The following CACNA1C variants were observed in gnomAD, a reference collection of about 807,000 sequenced individuals.
CACNA1C encodes the protein voltage-dependent L-type calcium channel subunit alpha-1C.
CACNA1C carries 30 observed loss-of-function variants against 229.0 expected under a neutral mutation model. The observed-to-expected ratio is 0.13, with a 90% CI of 0.10 to 0.18. The LOEUF is 0.18. CACNA1C is among the 10% of genes least tolerant of loss of function. CACNA1C has a pLI of 1.00. For missense variants in CACNA1C, 1,658 were observed against 2,845.0 expected (o/e 0.58, Z 9.49); for synonymous variants, 1,114 against 1,132.5 (o/e 0.98, Z 0.33).
At chr12:2,234,136 G>A (rs1033710470) in intron 3 of CACNA1C, among the ~76,000 whole-genome samples, 1 of 152,192 alleles carries the variant, frequency 6.6e-6, no homozygotes, top group African/African-American at 2.4e-5. Context: ...TCTGCTGGAC[G>A]ATGCAGCCTT....
At position 2,467,146 on chromosome 12, in the gene CACNA1C, G is replaced by A. The variant is rs1389369598; in HGVS notation, c.757+9440G>A. Among the ~76,000 whole-genome samples, 1 of 152,082 alleles carries A rather than the reference G, an allele frequency of 6.6e-6. No homozygotes were observed. Among genetic ancestry groups the A allele is most frequent in the Non-Finnish European group, 1.5e-5 (1 of 67,994 alleles). On this transcript the variant is annotated intron_variant, in intron 5 of 46. Transcript: ENST00000399655. The surrounding 1 kb of genome is among the most constrained non-coding windows in gnomAD (Gnocchi z 4.6). The stretch of plus-strand genomic sequence containing the variant: ...GTCCCCCTGCCCGCCCATCGGAGAT[G>A]GTCCCTACAACATCTTCTAAGCCCT...
Position 2,677,957 on chromosome 12 carries a change from G to A in CACNA1C, c.5091+90G>A, listed in dbSNP as rs974214895. On this transcript the variant is annotated intron_variant, in intron 41 of 46. Transcript: ENST00000399655. The surrounding 1 kb of genome is among the most constrained non-coding windows in gnomAD (Gnocchi z 7.4). ...GGGGTTTTGCGGGGAACGTCCAGGG[G>A]AAGGAGCTGCACCAGAGGAAAGGGC... 33 of 1,461,330 alleles carry A rather than the reference G, an allele frequency of 2.3e-5. No homozygotes were observed. The African/African-American group carries it at 3.9e-4, about 17-fold the overall frequency. The allele number at this position is 1,461,330 out of a possible 1,614,324, so 90.5% of individuals were successfully genotyped here.
At chr12:2,420,640 G>A (rs2098969273) in intron 3 of CACNA1C, among the ~76,000 whole-genome samples, 1 of 152,198 alleles carries the variant, frequency 6.6e-6, no homozygotes, top group Non-Finnish European at 1.5e-5. Context: ...TCTAAGCAAG[G>A]TCTCTGGAAC....
At chr12:2,039,968 G>A (rs1286578484) in intron 1 of CACNA1C, among the ~76,000 whole-genome samples, 1 of 151,946 alleles carries the variant, frequency 6.6e-6, no homozygotes, top group Non-Finnish European at 1.5e-5. Flanking sequence ...ATGGAGGATG[G>A]CAGAGACCAA....
At chr12:2,474,850 T>C (rs572439045) in intron 5 of CACNA1C, among the ~76,000 whole-genome samples, 2 of 152,238 alleles carry the variant, frequency 1.3e-5, no homozygotes, top group African/African-American at 4.8e-5. Flanking sequence ...TCAGATCAAC[T>C]GTCCTGCCGA....
intron 34 of CACNA1C, among the ~76,000 whole-genome samples, chr12:2,656,495 A>C (rs555219214): frequency 1.3e-5 from 2 of 152,328 alleles, no homozygotes; most frequent in Admixed American, 1.3e-4. Flanking sequence ...TGTTAAAATG[A>C]CCATACTACC....
At chr12:2,322,089 G>T (rs1167153068) in intron 3 of CACNA1C, among the ~76,000 whole-genome samples, 1 of 152,180 alleles carries the variant, frequency 6.6e-6, no homozygotes, top group African/African-American at 2.4e-5. Flanking sequence ...GATTTAATTT[G>T]CACTTTGGGT....
rs140095949 is a variant in CACNA1C, at chr12:2,370,063, G to A, written c.478-78913G>A. On this transcript the variant is annotated intron_variant, in intron 3 of 46. Transcript: ENST00000399655. ...CCCATTAGAAAATTTGGCAAAGGACGTGAACAGATTTATTCACAAAATATA... is the reference window on the plus strand; with the variant it reads ...CCCATTAGAAAATTTGGCAAAGGACATGAACAGATTTATTCACAAAATATA... Among the ~76,000 whole-genome samples the A allele has an allele frequency of 6.4e-3, 974 of 152,212 alleles. 6 individuals are homozygous for A. The highest frequency in any genetic ancestry group is 0.022 in the African/African-American group (918 of 41,532).
At chr12:2,523,245 A>G (rs2099813320) in intron 9 of CACNA1C, among the ~76,000 whole-genome samples, 4 of 152,140 alleles carry the variant, frequency 2.6e-5, no homozygotes, top group African/African-American at 9.7e-5. Flanking sequence ...GAAAGAAGTT[A>G]TGGCATTATC....
chr12:2,493,371 G>C lies in CACNA1C; in HGVS notation c.1098G>C (p.Thr366=), dbSNP rs372622798. The part of the protein sequence containing the change: ...VFQCITMEGW[T]DVLYWVNDAV... ...AGTGCATCACCATGGAGGGCTGGACGGACGTGCTGTACTGGGTACGTAGCA... is the reference window on the plus strand; with the variant it reads ...AGTGCATCACCATGGAGGGCTGGACCGACGTGCTGTACTGGGTACGTAGCA... The change falls in exon 7 of 47, where the codon ACG becomes ACC. Residue 366 remains threonine (T), a synonymous_variant. Transcript: ENST00000399655. The surrounding 1 kb of genome is among the most constrained non-coding windows in gnomAD (Gnocchi z 4.6). The C allele has an allele frequency of 6.2e-7, 1 of 1,613,892 alleles. No individual in the cohort carries two copies. The highest frequency in any genetic ancestry group is 1.7e-5 in the Admixed American group (1 of 60,034).
intron 43 of CACNA1C, 103 bp downstream of exon 43, chr12:2,682,781 A>AG: frequency 8.1e-7 from 1 of 1,229,012 alleles, no homozygotes; most frequent in Non-Finnish European, 1.1e-6. Context: ...TGATTGCAGG[A>AG]GGAGAGGAGA....
chr12:2,256,355 A>G (rs1422799876), intron 3 of CACNA1C, among the ~76,000 whole-genome samples: 1 of 152,194 alleles, frequency 6.6e-6, no homozygotes, highest in Non-Finnish European at 1.5e-5. Flanking sequence ...ACATAATTGG[A>G]ACTGTTTTGC....
chr12:2,207,975 A>G lies in CACNA1C; in HGVS notation c.477+87545A>G, dbSNP rs143758350. ...TGTTTTTAGGGAGACAGAACAAACAATAAGAATGGAGCATTCATATAAGGA... is the reference window on the plus strand; with the variant it reads ...TGTTTTTAGGGAGACAGAACAAACAGTAAGAATGGAGCATTCATATAAGGA... On this transcript the variant is annotated intron_variant, in intron 3 of 46. Coordinates refer to ENST00000399655, the MANE Select transcript of CACNA1C (RefSeq NM_000719.7). Among the ~76,000 whole-genome samples the G allele has an allele frequency of 3.0e-4, 45 of 152,330 alleles. 1 individual carries two copies. The highest frequency in any genetic ancestry group is 9.9e-4 in the African/African-American group (41 of 41,572).
intron 3 of CACNA1C, among the ~76,000 whole-genome samples, chr12:2,153,705 G>A (rs1267630222): frequency 1.3e-5 from 2 of 152,318 alleles, no homozygotes; most frequent in East Asian, 1.9e-4. Context: ...TGTCCTCTGC[G>A]TGGGGTGGGG....
chr12:2,521,712 T>G (rs1440488281), intron 9 of CACNA1C, among the ~76,000 whole-genome samples: 2 of 152,166 alleles, frequency 1.3e-5, no homozygotes, highest in Non-Finnish European at 2.9e-5. Flanking sequence ...CCTCTTCGCT[T>G]CTTCGCTTGG....
chr12:2,489,622 A>G (rs1175628295), intron 6 of CACNA1C, among the ~76,000 whole-genome samples: 5 of 152,236 alleles, frequency 3.3e-5, no homozygotes, highest in Admixed American at 1.3e-4. Context: ...GCTAAAACCT[A>G]GAAATGAAAT....
At position 2,608,818 on chromosome 12, in the gene CACNA1C, T is replaced by C; in HGVS notation, c.3558+106T>C. 1 of 1,085,114 alleles carries C rather than the reference T, an allele frequency of 9.2e-7. No homozygotes were observed. Among genetic ancestry groups the C allele is most frequent in the Non-Finnish European group, 1.4e-6 (1 of 740,556 alleles). The allele number at this position is 1,085,114 out of a possible 1,614,324, so 67.2% of individuals were successfully genotyped here. ...CGACAGGGAGAGGCCGTGCAGATAC[T>C]GAGATCGTCTCTCTATTCCTCAACC... On this transcript the variant is annotated intron_variant, in intron 27 of 46. Coordinates refer to ENST00000399655, the MANE Select transcript of CACNA1C (RefSeq NM_000719.7). The surrounding 1 kb of genome is among the most constrained non-coding windows in gnomAD (Gnocchi z 4.2).
intron 4 of CACNA1C, among the ~76,000 whole-genome samples, chr12:2,456,904 G>A (rs1476744): frequency 0.012 from 1,808 of 152,320 alleles, 25 homozygotes; most frequent in African/African-American, 0.04. Context: ...AACAGTGCCC[G>A]GCACACCGCA....
chr12:2,358,492 A>G lies in CACNA1C; in HGVS notation c.478-90484A>G, dbSNP rs1027072861. ...CTCTGGGCCACACCTAGTAAGTGGC[A>G]GTAACAGGAATTAACTATACTCTCT... is the stretch of plus-strand genomic sequence containing the variant. On this transcript the variant is annotated intron_variant, in intron 3 of 46. Coordinates refer to ENST00000399655, the MANE Select transcript of CACNA1C (RefSeq NM_000719.7). Among the ~76,000 whole-genome samples the G allele has an allele frequency of 4.7e-4, 72 of 152,318 alleles. 1 individual carries two copies. Among genetic ancestry groups the G allele is most frequent in the Non-Finnish European group, 1.9e-4 (13 of 68,030 alleles).
Sources: allele counts gnomAD v4.1 joint callset (sites outside exome capture counted in the v4.1 genomes callset), GRCh38; gene constraint gnomAD v4.1.1; non-coding constraint Gnocchi (gnomAD v3.1); transcripts MANE v1.5; gene names NCBI Gene and HGNC (gene_info 2026-07-23, HGNC 2026-07-21).